Variants in SLC5A12 observed in about 807,000 individuals in gnomAD.
SLC5A12 encodes the protein solute carrier family 5 member 12.
Under a neutral mutation model 72.7 loss-of-function variants are expected in SLC5A12, and 46 were observed. The observed-to-expected ratio is 0.63, with a 90% confidence interval of 0.50 to 0.81. The LOEUF is 0.81. Ranked by LOEUF, SLC5A12 falls within the 30% of genes least tolerant of loss-of-function variation. The pLI is 0.00. For missense variants in SLC5A12, 683 were observed against 740.7 expected, an observed-to-expected ratio of 0.92 and a Z score of 0.90; for synonymous variants, 275 against 264.4, an observed-to-expected ratio of 1.04 and a Z score of -0.39.
intron 14 of SLC5A12, 22 bp downstream of exon 14, chr11:26,673,380 A>G: frequency 1.3e-6 from 2 of 1,523,470 alleles, no homozygotes; most frequent in Non-Finnish European, 1.8e-6. Context: ...ACACATTTTT[A>G]GAAGCTCAAA....
At chr11:26,674,744 A>G (rs1047411846) in intron 13 of SLC5A12, among the ~76,000 whole-genome samples, 1 of 152,132 alleles carries the variant, frequency 6.6e-6, no homozygotes, top group African/African-American at 2.4e-5. Context: ...GGCTTAAGCA[A>G]TCTATTCCCT....
intron 1 of SLC5A12, among the ~76,000 whole-genome samples, chr11:26,715,872 T>C (rs1855338828): frequency 1.3e-5 from 2 of 152,168 alleles, no homozygotes; most frequent in African/African-American, 4.8e-5. Context: ...GGAAGTCACA[T>C]AGATGGTCCC....
chr11:26,713,364 G>A (rs1187330963), intron 1 of SLC5A12, among the ~76,000 whole-genome samples: 2 of 151,998 alleles, frequency 1.3e-5, no homozygotes, highest in East Asian at 3.9e-4. Flanking sequence ...CACATTTTGT[G>A]CTTTTTCAGA....
intron 7 of SLC5A12, among the ~76,000 whole-genome samples, chr11:26,698,097 C>T (rs12294550): frequency 3.3e-5 from 5 of 151,836 alleles, no homozygotes; most frequent in African/African-American, 9.7e-5. Context: ...GATATTTTGC[C>T]GTGTTGGCCA....
intron 1 of SLC5A12, among the ~76,000 whole-genome samples, chr11:26,717,382 G>C (rs570914005): frequency 6.6e-6 from 1 of 152,080 alleles, no homozygotes; most frequent in Non-Finnish European, 1.5e-5. Flanking sequence ...TAGCAAACTA[G>C]ATTTATGAGT....
chr11:26,667,084 T>C lies in SLC5A12; in HGVS notation c.*4018A>G, dbSNP rs1854011918. On this transcript the variant is annotated 3_prime_UTR_variant, in exon 15 of 15. Coordinates refer to ENST00000396005, the MANE Select transcript of SLC5A12 (RefSeq NM_178498.4). Reference sequence around the variant, plus strand: ...ATTTGTATCATTTTCATGTGTACCATTGATGACATCAATTAAATTTTAGTT... The same window carrying C: ...ATTTGTATCATTTTCATGTGTACCACTGATGACATCAATTAAATTTTAGTT... The C allele has an allele frequency of 6.6e-6, 1 of 151,850 alleles. No individual in the cohort carries two copies. The highest frequency in any genetic ancestry group is 1.5e-5 in the Non-Finnish European group (1 of 67,828). 9.4% of individuals were successfully genotyped at this position (151,850 alleles called of 1,614,324 possible). A position where few individuals can be genotyped will look rare whatever the true frequency, so the allele number is the denominator to read the frequency against.
chr11:26,703,447 C>CACACA (rs1554994288), intron 6 of SLC5A12, 84 bp downstream of exon 6: 21 of 822,158 alleles, frequency 2.6e-5, no homozygotes, highest in East Asian at 5.8e-5. Flanking sequence ...CACACACACA[C>CACACA]CCCCCAAGAG....
chr11:26,680,118 T>C (rs1216589853), intron 12 of SLC5A12, among the ~76,000 whole-genome samples: 1 of 151,360 alleles, frequency 6.6e-6, no homozygotes. Context: ...TCAGAGGGAA[T>C]GAGCCAGTAT....
Position 26,705,302 on chromosome 11 carries a change from T to C in SLC5A12, c.526-1355A>G, listed in dbSNP as rs150615124. Among the ~76,000 whole-genome samples the C allele has an allele frequency of 4.9e-3, 742 of 152,070 alleles. 9 individuals are homozygous for C. The East Asian group carries it at 0.056, about 12-fold the overall frequency. On this transcript the variant is annotated intron_variant, in intron 4 of 14. Transcript: ENST00000396005. ...GGTATAGAAGCCCTTAGGATGATGA[T>C]CTATGTGGGATGAGCAAGTGGGGAA...
chr11:26,712,615 C>T, intron 2 of SLC5A12, 26 bp downstream of exon 2: 1 of 1,499,184 alleles, frequency 6.7e-7, no homozygotes, highest in Non-Finnish European at 9.1e-7. Context: ...ACAGTTTCCA[C>T]ATCTGCAGCA....
chr11:26,683,713 C>T, intron 11 of SLC5A12, 44 bp downstream of exon 11: 5 of 1,506,870 alleles, frequency 3.3e-6, no homozygotes, highest in Non-Finnish European at 4.5e-6. Context: ...ACGGCTGGGC[C>T]CAGTTTTGAC....
intron 11 of SLC5A12, among the ~76,000 whole-genome samples, chr11:26,682,408 G>A (rs1367546000): frequency 6.6e-6 from 1 of 152,130 alleles, no homozygotes; most frequent in Admixed American, 6.5e-5. Flanking sequence ...GTTAACCCTG[G>A]TTGATCTATA....
At chr11:26,715,710 T>G (rs1855335612) in intron 1 of SLC5A12, among the ~76,000 whole-genome samples, 1 of 152,156 alleles carries the variant, frequency 6.6e-6, no homozygotes, top group Non-Finnish European at 1.5e-5. Context: ...GCTTCTGTAA[T>G]GAGGTGTGTT....
At chr11:26,687,431 A>G (rs1391183079) in intron 9 of SLC5A12, among the ~76,000 whole-genome samples, 1 of 152,148 alleles carries the variant, frequency 6.6e-6, no homozygotes, top group Admixed American at 6.6e-5. Flanking sequence ...TACATATCCA[A>G]CCCAGTTCCC....
At chr11:26,692,712 G>A in intron 8 of SLC5A12, 111 bp from the exon 9 acceptor site, 1 of 655,310 alleles carries the variant, frequency 1.5e-6, no homozygotes, top group Non-Finnish European at 2.7e-6. Context: ...AAAAACAGAT[G>A]CAGATATATC....
rs1431816770 is a variant in SLC5A12 at position 26,715,076 on chromosome 11, G to A, written c.340-2370C>T. ...CTTGGGTTCACATCTTGTGCCCTTG[G>A]GAAGACTATTTTCTGCCACTAAGCC... On this transcript the variant is annotated intron_variant, in intron 1 of 14. Coordinates refer to ENST00000396005, the MANE Select transcript of SLC5A12 (RefSeq NM_178498.4). 3.9e-5 allele frequency among the ~76,000 whole-genome samples: 6 copies of A among 152,074 alleles called. No individual in the cohort carries two copies. In the South Asian group the frequency reaches 1.2e-3, roughly 32 times the overall value.
intron 8 of SLC5A12, among the ~76,000 whole-genome samples, chr11:26,696,343 C>T (rs1277605651): frequency 6.6e-6 from 1 of 151,950 alleles, no homozygotes; most frequent in African/African-American, 2.4e-5. Context: ...AGAATAATGC[C>T]CTTATTTGGG....
At chr11:26,676,379 GAAAAC>G (rs1854268188) in intron 13 of SLC5A12, among the ~76,000 whole-genome samples, 1 of 144,916 alleles carries the variant, frequency 6.9e-6, no homozygotes, top group African/African-American at 2.5e-5. Flanking sequence ...AAAAAAAAAA[GAAAAC>G]AGGTAGTAGG....
At chr11:26,671,402 G>T in intron 14 of SLC5A12, 151 bp from the exon 15 acceptor site, 1 of 555,216 alleles carries the variant, frequency 1.8e-6, no homozygotes, top group East Asian at 3.2e-5. Context: ...TTTTCTAATT[G>T]ATAACTTTGA....
Sources: allele counts gnomAD v4.1 joint callset (sites outside exome capture counted in the v4.1 genomes callset), GRCh38; gene constraint gnomAD v4.1.1; transcripts MANE v1.5; gene names NCBI Gene and HGNC (gene_info 2026-07-23, HGNC 2026-07-21).